The following FHIT variants were observed in gnomAD, a reference collection of about 807,000 sequenced individuals.
FHIT encodes the protein fragile histidine triad diadenosine triphosphatase.
Under a neutral mutation model 17.9 loss-of-function variants are expected in FHIT, and 19 were observed. The ratio of observed to expected loss-of-function variants is 1.06; its 90% CI spans 0.74 to 1.56. FHIT has a LOEUF of 1.56. FHIT is among the 40% of genes most tolerant of loss of function. The pLI, the probability that FHIT is intolerant of heterozygous loss-of-function variation, is 0.00. For missense variants in FHIT, 248 were observed against 189.2 expected, an observed-to-expected ratio of 1.31 and a Z score of -1.82; for synonymous variants, 81 against 69.7, an observed-to-expected ratio of 1.16 and a Z score of -0.81.
intron 3 of FHIT, among the ~76,000 whole-genome samples, chr3:60,826,630 T>C (rs1702133958): frequency 6.6e-6 from 1 of 152,220 alleles, no homozygotes; most frequent in African/African-American, 2.4e-5. Flanking sequence ...TGTCTCAGCG[T>C]GGAGGGCTGA....
intron 8 of FHIT, among the ~76,000 whole-genome samples, chr3:59,829,393 C>A (rs537735992): frequency 6.6e-6 from 1 of 152,262 alleles, no homozygotes; most frequent in East Asian, 1.9e-4. Context: ...TCTGCACCAG[C>A]AGTAGGAGGA....
chr3:60,880,686 C>T (rs919283591), intron 3 of FHIT, among the ~76,000 whole-genome samples: 41 of 152,088 alleles, frequency 2.7e-4, no homozygotes, highest in Non-Finnish European at 4.7e-4. Context: ...GAGCTGAGAT[C>T]GTGCCATTGC....
At chr3:60,881,157 A>G (rs1003460309) in intron 3 of FHIT, among the ~76,000 whole-genome samples, 13 of 152,224 alleles carry the variant, frequency 8.5e-5, no homozygotes, top group African/African-American at 3.1e-4. Context: ...TACTTGTATC[A>G]GATAAAACAG....
chr3:59,922,450 T>G (rs1352205308), intron 7 of FHIT, 36 bp from the exon 8 acceptor site: 1 of 1,550,246 alleles, frequency 6.5e-7, no homozygotes, highest in African/African-American at 1.4e-5. Context: ...AATGTGATTA[T>G]CTCCCCATGT....
chr3:60,066,001 T>C lies in FHIT; in HGVS notation c.104-51849A>G, dbSNP rs543904546. On this transcript the variant is annotated intron_variant, in intron 5 of 9. Coordinates refer to ENST00000492590, the MANE Select transcript of FHIT (RefSeq NM_002012.4). ...CACTGCCTACCTCCAGGAGGTCTTC[T>C]TGTTACCAAAGAAAATACACCCCTA... 5.9e-5 allele frequency among the ~76,000 whole-genome samples: 9 copies of C among 152,316 alleles called. No individual in the cohort carries two copies. In the South Asian group the frequency reaches 1.4e-3, roughly 25 times the overall value.
chr3:60,153,854 TCA>T (rs1420665506), intron 5 of FHIT, among the ~76,000 whole-genome samples: 1 of 152,154 alleles, frequency 6.6e-6, no homozygotes, highest in Non-Finnish European at 1.5e-5. Flanking sequence ...CAACAGCTAT[TCA>T]CTACACATTC....
chr3:60,758,643 G>T (rs782357207), intron 4 of FHIT, among the ~76,000 whole-genome samples: 15 of 152,180 alleles, frequency 9.9e-5, no homozygotes, highest in Non-Finnish European at 1.9e-4. Context: ...AATTGTTAGA[G>T]CTGTCGCTTA....
chr3:61,091,877 C>T (rs1472571121), intron 2 of FHIT, among the ~76,000 whole-genome samples: 2 of 137,568 alleles, frequency 1.5e-5, no homozygotes, highest in African/African-American at 5.6e-5. Flanking sequence ...GAGGTTGAGG[C>T]TACAGTGACC....
chr3:60,585,793 CA>C lies in FHIT; in HGVS notation c.-17-48815del, dbSNP rs538193674. 3.6e-4 allele frequency among the ~76,000 whole-genome samples: 54 copies of C among 152,030 alleles called. No homozygotes were observed. In the Middle Eastern group the frequency reaches 0.014, roughly 38 times the overall value. ...TCATTGTCAATGAAAATATATTTCC[CA>C]AAGTGGGTTCTGTGAAACACTATTA... On this transcript the variant is annotated intron_variant, in intron 4 of 9. Coordinates refer to ENST00000492590, the MANE Select transcript of FHIT (RefSeq NM_002012.4).
chr3:60,569,740 T>TAC (rs1559547583), intron 4 of FHIT, among the ~76,000 whole-genome samples: 11,750 of 83,150 alleles, frequency 0.14, 842 homozygotes, highest in South Asian at 0.24. Context: ...TATATATATA[T>TAC]ATATATATAT....
At chr3:61,098,725 C>T (rs2035721454) in intron 2 of FHIT, among the ~76,000 whole-genome samples, 1 of 152,072 alleles carries the variant, frequency 6.6e-6, no homozygotes, top group Non-Finnish European at 1.5e-5. Context: ...ATGAATGTGA[C>T]TATGTTACTG....
intron 5 of FHIT, among the ~76,000 whole-genome samples, chr3:60,503,865 G>C (rs559974404): frequency 2.0e-5 from 3 of 152,090 alleles, no homozygotes; most frequent in African/African-American, 4.8e-5. Flanking sequence ...GTAGGATTAT[G>C]AGTCTTTTTA....
At chr3:60,561,311 C>T (rs1043628825) in intron 4 of FHIT, among the ~76,000 whole-genome samples, 1 of 152,130 alleles carries the variant, frequency 6.6e-6, no homozygotes, top group African/African-American at 2.4e-5. Flanking sequence ...GACAGCTATT[C>T]TTCCAAAGCA....
intron 5 of FHIT, among the ~76,000 whole-genome samples, chr3:60,167,633 C>G (rs1354150199): frequency 6.6e-6 from 1 of 152,230 alleles, no homozygotes; most frequent in Non-Finnish European, 1.5e-5. Context: ...ATGAACTGCA[C>G]AGTCTTCATT....
At chr3:60,168,971 G>T (rs1378148954) in intron 5 of FHIT, among the ~76,000 whole-genome samples, 1 of 152,164 alleles carries the variant, frequency 6.6e-6, no homozygotes, top group Non-Finnish European at 1.5e-5. Flanking sequence ...TATATTCACT[G>T]CTTGGCTTCA....
At chr3:60,545,070 T>A (rs75616449) in intron 4 of FHIT, among the ~76,000 whole-genome samples, 16 of 138,526 alleles carry the variant, frequency 1.2e-4, no homozygotes, top group South Asian at 2.4e-4. Flanking sequence ...TGACAATCAT[T>A]ACAATTTATT....
intron 4 of FHIT, among the ~76,000 whole-genome samples, chr3:60,741,562 T>C (rs1338721009): frequency 2.0e-5 from 3 of 152,220 alleles, no homozygotes; most frequent in African/African-American, 4.8e-5. Flanking sequence ...TAATACACAC[T>C]TTACATCTGT....
chr3:60,164,618 A>T (rs964380949), intron 5 of FHIT, among the ~76,000 whole-genome samples: 7 of 152,074 alleles, frequency 4.6e-5, no homozygotes, highest in Non-Finnish European at 7.4e-5. Context: ...TCAAAAAAAA[A>T]AAATAAAAGA....
chr3:61,093,284 C>G (rs965997709), intron 2 of FHIT, among the ~76,000 whole-genome samples: 8 of 151,908 alleles, frequency 5.3e-5, no homozygotes, highest in African/African-American at 2.4e-5. Context: ...TACAAAAGAG[C>G]AAGAAAGCAG....
Sources: gnomAD v4.1 joint callset for allele counts (sites outside exome capture counted in the v4.1 genomes callset) on GRCh38, gnomAD v4.1.1 for gene constraint, MANE v1.5 for transcripts, NCBI Gene and HGNC (gene_info 2026-07-23, HGNC 2026-07-21) for gene names.